Variants in DCBLD2 observed in about 807,000 individuals in gnomAD.
The protein encoded by DCBLD2 is discoidin, CUB and LCCL domain containing 2.
DCBLD2 carries 54 observed loss-of-function variants against 86.8 expected under a neutral mutation model. The ratio of observed to expected loss-of-function variants is 0.62; its 90% CI spans 0.50 to 0.78. The LOEUF (loss-of-function observed/expected upper bound fraction) is 0.78. DCBLD2 is among the 30% of genes least tolerant of loss of function. The pLI is 0.00. For synonymous variants in DCBLD2, 354 were observed against 341.3 expected (o/e 1.04, Z -0.41); for missense variants, 908 against 954.2 (o/e 0.95, Z 0.64).
intron 3 of DCBLD2, among the ~76,000 whole-genome samples, chr3:98,833,355 T>C (rs141749872): frequency 1.3e-5 from 2 of 152,338 alleles, no homozygotes; most frequent in African/African-American, 4.8e-5. Context: ...AATTCTTAGT[T>C]TCCTTGAATT....
intron 1 of DCBLD2, chr3:98,900,669 T>C: frequency 5.4e-6 from 1 of 186,240 alleles, no homozygotes; most frequent in Non-Finnish European, 1.1e-5. Flanking sequence ...AACTATTCCA[T>C]TCGCTTCAGA....
chr3:98,812,319 A>G lies in DCBLD2; in HGVS notation c.1363+13T>C, dbSNP rs1158324427. 4 of 1,611,806 alleles carry G rather than the reference A, an allele frequency of 2.5e-6. No individual in the cohort carries two copies. The African/African-American group carries it at 5.3e-5, about 22-fold the overall frequency. On this transcript the variant is annotated intron_variant, in intron 10 of 15. Coordinates refer to ENST00000326840, the MANE Select transcript of DCBLD2 (RefSeq NM_080927.4). The stretch of plus-strand genomic sequence containing the variant: ...TCCAGTAAAAACATATCTTAAACGA[A>G]CTGTCTCTTTACCTTTAGGAATAAA...
chr3:98,841,245 A>G (rs1942614849), intron 3 of DCBLD2, among the ~76,000 whole-genome samples: 1 of 152,212 alleles, frequency 6.6e-6, no homozygotes, highest in Non-Finnish European at 1.5e-5. Context: ...GCAAGCCAAT[A>G]ATCAATAACA....
chr3:98,892,704 T>C (rs958050847), intron 1 of DCBLD2, among the ~76,000 whole-genome samples: 29 of 152,156 alleles, frequency 1.9e-4, no homozygotes, highest in African/African-American at 5.6e-4. Context: ...TTTCTCCTTC[T>C]ACCTTAATCA....
intron 3 of DCBLD2, among the ~76,000 whole-genome samples, chr3:98,838,536 G>C (rs952400984): frequency 1.4e-5 from 2 of 146,374 alleles, no homozygotes; most frequent in Non-Finnish European, 3.0e-5. Context: ...GATGGCGGCC[G>C]GGCGGAGACG....
intron 3 of DCBLD2, among the ~76,000 whole-genome samples, chr3:98,836,574 T>C (rs1942454598): frequency 6.7e-6 from 1 of 150,180 alleles, no homozygotes; most frequent in Non-Finnish European, 1.5e-5. Context: ...AAAGCCGCCA[T>C]TGTCATCCTG....
chr3:98,844,034 G>GCACCACACACACACACACA (rs143685510), intron 3 of DCBLD2, among the ~76,000 whole-genome samples: 4 of 145,526 alleles, frequency 2.7e-5, no homozygotes, highest in Non-Finnish European at 6.0e-5. Flanking sequence ...AATCATGCAT[G>GCACCACACACACACACACA]CACACACACA....
rs529859679 is a variant in DCBLD2, at chr3:98,872,221, T to G, written c.433+9319A>C. Among the ~76,000 whole-genome samples, 10 of 152,274 alleles carry G rather than the reference T, an allele frequency of 6.6e-5. No homozygotes were observed. The South Asian group carries it at 2.1e-3, about 32-fold the overall frequency. ...CTGCCAGCATGACAGTATTGGAAAG[T>G]GGGGCCTAATGGGAGTTGTTTGGGT... On this transcript the variant is annotated intron_variant, in intron 2 of 15. Coordinates refer to ENST00000326840, the MANE Select transcript of DCBLD2 (RefSeq NM_080927.4).
Position 98,812,317 on chromosome 3 carries a change from G to A in DCBLD2, c.1363+15C>T, listed in dbSNP as rs759668496. 13 of 1,610,602 alleles carry A rather than the reference G, an allele frequency of 8.1e-6. No individual in the cohort carries two copies. The African/African-American group carries it at 1.3e-4, about 17-fold the overall frequency. On this transcript the variant is annotated intron_variant, in intron 10 of 15. Coordinates refer to ENST00000326840, the MANE Select transcript of DCBLD2 (RefSeq NM_080927.4). Reference sequence around the variant, plus strand: ...AATCCAGTAAAAACATATCTTAAACGAACTGTCTCTTTACCTTTAGGAATA... The same window carrying A: ...AATCCAGTAAAAACATATCTTAAACAAACTGTCTCTTTACCTTTAGGAATA...
At chr3:98,867,297 C>T (rs1043592769) in intron 2 of DCBLD2, among the ~76,000 whole-genome samples, 17 of 152,250 alleles carry the variant, frequency 1.1e-4, no homozygotes, top group South Asian at 2.1e-4. Context: ...TTACCTTGGG[C>T]AGTATAGCCA....
Position 98,800,577 on chromosome 3 carries a change from AC to A in DCBLD2, c.1858+1del. 1 of 1,612,184 alleles carries A rather than the reference AC, an allele frequency of 6.2e-7. No individual in the cohort carries two copies. Among genetic ancestry groups the A allele is most frequent in the African/African-American group, 1.3e-5 (1 of 75,002 alleles). On this transcript the variant is annotated splice_donor_variant, in intron 15 of 15. Coordinates refer to ENST00000326840, the MANE Select transcript of DCBLD2 (RefSeq NM_080927.4). LOFTEE classifies it high-confidence loss of function. Reference sequence around the variant, plus strand: ...GGTACCAGAAGGCTGCAACATAGTTACCTGCAGAGTCAGCCTGCAGCACTGT... The same window carrying A: ...GGTACCAGAAGGCTGCAACATAGTTACTGCAGAGTCAGCCTGCAGCACTGT...
intron 3 of DCBLD2, among the ~76,000 whole-genome samples, chr3:98,845,740 A>C (rs1290847033): frequency 2.6e-5 from 4 of 151,996 alleles, no homozygotes; most frequent in African/African-American, 9.7e-5. Context: ...CTCTCCCCCA[A>C]CCCAATCTAC....
intron 2 of DCBLD2, among the ~76,000 whole-genome samples, chr3:98,864,829 C>A (rs1003973535): frequency 6.6e-6 from 1 of 151,844 alleles, no homozygotes; most frequent in African/African-American, 2.4e-5. Flanking sequence ...ACTGTGCACA[C>A]GTATCCTAGA....
At chr3:98,848,564 T>C (rs1248288418) in intron 3 of DCBLD2, among the ~76,000 whole-genome samples, 1 of 152,246 alleles carries the variant, frequency 6.6e-6, no homozygotes, top group African/African-American at 2.4e-5. Flanking sequence ...CCACAATGGC[T>C]GAACTGACTT....
intron 2 of DCBLD2, among the ~76,000 whole-genome samples, chr3:98,869,223 A>T (rs922959699): frequency 1.3e-5 from 2 of 152,032 alleles, no homozygotes; most frequent in African/African-American, 4.8e-5. Context: ...AGCATTTTTC[A>T]TATGTTTGTT....
intron 2 of DCBLD2, among the ~76,000 whole-genome samples, chr3:98,875,737 GA>G (rs1296084524): frequency 2.0e-5 from 3 of 152,136 alleles, no homozygotes; most frequent in African/African-American, 7.2e-5. Flanking sequence ...CCAAAGTCCA[GA>G]AATAGACCCA....
intron 3 of DCBLD2, among the ~76,000 whole-genome samples, chr3:98,838,506 G>A (rs1040506405): frequency 2.1e-5 from 3 of 144,784 alleles, no homozygotes; most frequent in South Asian, 2.4e-4. Flanking sequence ...GGGAAGAGGC[G>A]CTCCTCACTT....
At chr3:98,873,965 C>G (rs1274329877) in intron 2 of DCBLD2, among the ~76,000 whole-genome samples, 1 of 152,122 alleles carries the variant, frequency 6.6e-6, no homozygotes, top group Non-Finnish European at 1.5e-5. Flanking sequence ...ATTTTACAGA[C>G]ATCATGGCCA....
chr3:98,822,263 A>G lies in DCBLD2; in HGVS notation c.795T>C (p.Tyr265=). The G allele has an allele frequency of 6.2e-7, 1 of 1,614,000 alleles. No homozygotes were observed. The highest frequency in any genetic ancestry group is 2.2e-5 in the East Asian group (1 of 44,890). The part of the protein sequence containing the change: ...SVVISKGIPY[Y]ESSLANNVTS... ...TGACGTTGTTAGCCAAAGAACTTTCATAATAGGGGATACCTTTACTAATTA... is the reference window on the plus strand; with the variant it reads ...TGACGTTGTTAGCCAAAGAACTTTCGTAATAGGGGATACCTTTACTAATTA... Residue 265 remains tyrosine (Y), a synonymous_variant, in exon 6 of 16, where the codon TAT becomes TAC. Transcript: ENST00000326840.
Sources: gnomAD v4.1 joint callset for allele counts (sites outside exome capture counted in the v4.1 genomes callset) on GRCh38, gnomAD v4.1.1 for gene constraint, MANE v1.5 for transcripts, NCBI Gene and HGNC (gene_info 2026-07-23, HGNC 2026-07-21) for gene names.